Variants in CHRNB3 observed in about 807,000 individuals in gnomAD.
CHRNB3 encodes cholinergic receptor nicotinic beta 3 subunit.
CHRNB3 carries 37 observed loss-of-function variants against 40.6 expected under a neutral mutation model. That is an observed-to-expected ratio of 0.91 (90% CI 0.70 to 1.20). The LOEUF (loss-of-function observed/expected upper bound fraction) is 1.20. Ranked by LOEUF, CHRNB3 falls within the 50% of genes most tolerant of loss-of-function variation. The pLI is 0.00. For missense variants in CHRNB3, 505 were observed against 551.2 expected, an observed-to-expected ratio of 0.92 and a Z score of 0.84; for synonymous variants, 207 against 207.1, an observed-to-expected ratio of 1.00 and a Z score of 0.00.
intron 3 of CHRNB3, among the ~76,000 whole-genome samples, chr8:42,723,823 C>T (rs1039019163): frequency 6.6e-6 from 1 of 152,180 alleles, no homozygotes; most frequent in Non-Finnish European, 1.5e-5. Flanking sequence ...TGGTGGCTCA[C>T]GCCTGTAATC....
At position 42,732,490 on chromosome 8, in the gene CHRNB3, G is replaced by T. The variant is rs1045085933; in HGVS notation, c.1183G>T (p.Ala395Ser). The T allele has an allele frequency of 1.2e-6, 2 of 1,611,200 alleles. No individual in the cohort carries two copies. Among genetic ancestry groups the T allele is most frequent in the East Asian group, 4.5e-5 (2 of 44,874 alleles). Residue 395 changes from alanine to serine, a missense_variant, in exon 5 of 6, where the codon GCT becomes TCT. Ala to Ser is a moderately conservative substitution (Grantham distance 99, BLOSUM62 1). Coordinates refer to ENST00000289957, the MANE Select transcript of CHRNB3 (RefSeq NM_000749.5). ...EKVLVAFLEK[A>S]ADSIRYISRH... ...AGTTCTAGTTGCTTTTTTGGAAAAA[G>T]CTGCTGATTCCATTAGATACATTTC...
chr8:42,712,443 C>T lies in CHRNB3; in HGVS notation c.249+2009C>T, dbSNP rs927882594. ...CTTCATTTCATGTCATCAAATGTCT[C>T]CCACCCAACAACTTTAGTGAGATTT... On this transcript the variant is annotated intron_variant, in intron 3 of 5. Coordinates refer to ENST00000289957, the MANE Select transcript of CHRNB3 (RefSeq NM_000749.5). Among the ~76,000 whole-genome samples, 3 of 152,150 alleles carry T rather than the reference C, an allele frequency of 2.0e-5. No homozygotes were observed. In the East Asian group the frequency reaches 5.8e-4, roughly 29 times the overall value.
chr8:42,731,410 C>T (rs188309197), intron 4 of CHRNB3, among the ~76,000 whole-genome samples: 1 of 152,166 alleles, frequency 6.6e-6, no homozygotes, highest in African/African-American at 2.4e-5. Context: ...AAAAACTTAG[C>T]TGCGCATGGT....
At position 42,736,345 on chromosome 8, in the gene CHRNB3, G is replaced by A. The variant is rs71651700; in HGVS notation, c.1243-139G>A. ...CCCTGAAAGAACCTGAGCCTGTAGT[G>A]TGGTTGGGACATTAGATGCATTTTG... On this transcript the variant is annotated intron_variant, in intron 5 of 5. Transcript: ENST00000289957. 1.9e-3 allele frequency: 1,883 copies of A among 1,006,404 alleles called. 7 individuals are homozygous for A. Among genetic ancestry groups the A allele is most frequent in the Non-Finnish European group, 2.1e-3 (1,386 of 673,422 alleles). 62.3% of individuals were successfully genotyped at this position (1,006,404 alleles called of 1,614,324 possible).
rs550768702 is a variant in CHRNB3 at position 42,726,214 on chromosome 8, C to T, written c.250-4380C>T. On this transcript the variant is annotated intron_variant, in intron 3 of 5. Coordinates refer to ENST00000289957, the MANE Select transcript of CHRNB3 (RefSeq NM_000749.5). ...CTGGAACCAAAGGGATTTATCTTTG[C>T]TCTTGCTCTGCCATCTTTCTAGTGT... The T allele has an allele frequency of 2.9e-5, 25 of 866,704 alleles. 3 individuals are homozygous for T. In the South Asian group the frequency reaches 3.5e-4, roughly 12 times the overall value. 53.7% of individuals were successfully genotyped at this position (866,704 alleles called of 1,614,324 possible). A position where few individuals can be genotyped will look rare whatever the true frequency, so the allele number is the denominator to read the frequency against.
At chr8:42,727,660 C>T (rs992430109) in intron 3 of CHRNB3, among the ~76,000 whole-genome samples, 17 of 151,988 alleles carry the variant, frequency 1.1e-4, no homozygotes. Context: ...GTCAAGAGAT[C>T]GAGACCATCC....
chr8:42,735,967 G>A (rs1332209118), intron 5 of CHRNB3, among the ~76,000 whole-genome samples: 1 of 152,170 alleles, frequency 6.6e-6, no homozygotes, highest in African/African-American at 2.4e-5. Context: ...CTGGGTTCAA[G>A]CAATTCTCCT....
chr8:42,707,145 G>A (rs975680028), intron 1 of CHRNB3, among the ~76,000 whole-genome samples: 2 of 152,202 alleles, frequency 1.3e-5, no homozygotes, highest in Non-Finnish European at 2.9e-5. Flanking sequence ...AAATGGGGCT[G>A]GGAACCGTCA....
Position 42,697,487 on chromosome 8 carries a change from C to A in CHRNB3, c.-60C>A. On this transcript the variant is annotated 5_prime_UTR_variant, in exon 1 of 6. Coordinates refer to ENST00000289957, the MANE Select transcript of CHRNB3 (RefSeq NM_000749.5). The stretch of plus-strand genomic sequence containing the variant: ...TATTTTCTTTTCAAAACCCCCTTTT[C>A]CAGTGGAAATGCTCTGTTGTTAAAA... 6.8e-7 allele frequency: 1 copy of A among 1,461,724 alleles called. No homozygotes were observed. The highest frequency in any genetic ancestry group is 9.6e-7 in the Non-Finnish European group (1 of 1,042,962). 90.5% of individuals were successfully genotyped at this position (1,461,724 alleles called of 1,614,324 possible). A position where few individuals can be genotyped will look rare whatever the true frequency, so the allele number is the denominator to read the frequency against.
rs548326622 is a variant in CHRNB3 at position 42,731,047 on chromosome 8, T to C, written c.359+344T>C. Among the ~76,000 whole-genome samples the C allele has an allele frequency of 4.1e-3, 473 of 115,374 alleles. 21 individuals carry two copies. The highest frequency in any genetic ancestry group is 5.9e-3 in the Admixed American group (62 of 10,584). The allele number at this position is 115,374 out of a possible 152,430, so 75.7% of individuals were successfully genotyped here. ...TCCGGCCTGGGCGACAGAGCGAGAC[T>C]CCGTCTCAAAAAATAAATAAATAAA... On this transcript the variant is annotated intron_variant, in intron 4 of 5. Transcript: ENST00000289957.
At chr8:42,713,239 A>T (rs1397956951) in intron 3 of CHRNB3, among the ~76,000 whole-genome samples, 2 of 151,852 alleles carry the variant, frequency 1.3e-5, no homozygotes, top group Non-Finnish European at 2.9e-5. Context: ...TGCTTTTGAA[A>T]ATTAGGAGTC....
intron 1 of CHRNB3, among the ~76,000 whole-genome samples, chr8:42,698,412 A>G (rs567299437): frequency 4.1e-4 from 63 of 152,362 alleles, no homozygotes; most frequent in Admixed American, 1.3e-3. Flanking sequence ...TCAGTTCACT[A>G]GCAATTTGTA....
intron 3 of CHRNB3, among the ~76,000 whole-genome samples, chr8:42,719,272 G>C (rs1816178133): frequency 1.3e-5 from 2 of 152,160 alleles, no homozygotes; most frequent in South Asian, 4.1e-4. Flanking sequence ...CAAATGTCCT[G>C]TGGCTTGTGC....
Position 42,697,580 on chromosome 8 carries a change from C to T in CHRNB3, c.34C>T (p.Leu12Phe). ...AGATTTTATGCTGGTTCTCATCGTC[C>T]TTGGCATCCCTTCCTCAGGTAAGCA... ...LPDFMLVLIV[L>F]GIPSSATTGF... Residue 12 changes from leucine to phenylalanine, a missense_variant, in exon 1 of 6, where the codon CTT (leucine) becomes TTT (phenylalanine). Transcript: ENST00000289957. 6.2e-7 allele frequency: 1 copy of T among 1,613,542 alleles called. No individual in the cohort carries two copies. The highest frequency in any genetic ancestry group is 1.7e-5 in the Admixed American group (1 of 60,014).
At chr8:42,722,186 C>G (rs970830594) in intron 3 of CHRNB3, among the ~76,000 whole-genome samples, 1 of 151,854 alleles carries the variant, frequency 6.6e-6, no homozygotes, top group Non-Finnish European at 1.5e-5. Context: ...CCAGCCTGAC[C>G]GACATGGCAA....
chr8:42,705,408 G>A (rs1269453362), intron 1 of CHRNB3, among the ~76,000 whole-genome samples: 1 of 152,182 alleles, frequency 6.6e-6, no homozygotes, highest in Non-Finnish European at 1.5e-5. Flanking sequence ...GTTGGGAGGT[G>A]GGGCCTAATG....
At chr8:42,717,596 C>G (rs1816139021) in intron 3 of CHRNB3, among the ~76,000 whole-genome samples, 1 of 151,322 alleles carries the variant, frequency 6.6e-6, no homozygotes, top group African/African-American at 2.4e-5. Context: ...GTTTGGACTT[C>G]TTACTCAAGT....
chr8:42,735,138 T>C (rs1460305758), intron 5 of CHRNB3, among the ~76,000 whole-genome samples: 1 of 151,844 alleles, frequency 6.6e-6, no homozygotes, highest in Non-Finnish European at 1.5e-5. Context: ...GAGAATGGTG[T>C]GAACCCGGGA....
At chr8:42,710,021 T>C (rs998872185) in intron 2 of CHRNB3, among the ~76,000 whole-genome samples, 11 of 152,246 alleles carry the variant, frequency 7.2e-5, no homozygotes, top group Non-Finnish European at 1.6e-4. Flanking sequence ...TTGTTTTTCA[T>C]TTTAAGCAAA....
Sources: allele counts gnomAD v4.1 joint callset (sites outside exome capture counted in the v4.1 genomes callset), GRCh38; gene constraint gnomAD v4.1.1; transcripts MANE v1.5; gene names NCBI Gene and HGNC (gene_info 2026-07-23, HGNC 2026-07-21).